Variants in EPHB1 observed in about 807,000 individuals in gnomAD.
EPHB1 encodes the protein EPH receptor B1, also known as ephrin type-B receptor 1.
A neutral mutation model predicts 94.4 loss-of-function variants in EPHB1; 30 were observed. That is an observed-to-expected ratio of 0.32 (90% CI 0.24 to 0.43). EPHB1 has a LOEUF of 0.43. Ranked by LOEUF, EPHB1 falls within the 20% of genes least tolerant of loss-of-function variation. The probability of loss-of-function intolerance (pLI) is 1.00; values close to 1 mark genes in which losing one functional copy is unlikely to be tolerated. For missense variants in EPHB1, 1,055 were observed against 1,308.3 expected, an observed-to-expected ratio of 0.81 and a Z score of 2.99; for synonymous variants, 522 against 489.1, an observed-to-expected ratio of 1.07 and a Z score of -0.89.
chr3:135,088,924 G>A lies in EPHB1; in HGVS notation c.806-17524G>A, dbSNP rs184872625. On this transcript the variant is annotated intron_variant, in intron 3 of 15. Transcript: ENST00000398015. ...ACTTTTAATTGAGCAGTTATTTCAT[G>A]CCAGATATTGTATCAAACATTTATA... Among the ~76,000 whole-genome samples, 5 of 152,276 alleles carry A rather than the reference G, an allele frequency of 3.3e-5. No homozygotes were observed. The East Asian group carries it at 9.6e-4, about 29-fold the overall frequency.
intron 11 of EPHB1, among the ~76,000 whole-genome samples, chr3:135,199,705 C>T (rs534179233): frequency 1.3e-5 from 2 of 152,268 alleles, no homozygotes; most frequent in South Asian, 4.1e-4. Flanking sequence ...GGAGCATAAC[C>T]CCCAGAACAT....
In EPHB1 at chr3:135,259,358, A is replaced by G. The variant is rs778190567; in HGVS notation, c.*238A>G. 10 of 342,570 alleles carry G rather than the reference A, an allele frequency of 2.9e-5. No individual in the cohort carries two copies. Among genetic ancestry groups the G allele is most frequent in the Non-Finnish European group, 4.8e-5 (9 of 187,060 alleles). 21.2% of individuals were successfully genotyped at this position (342,570 alleles called of 1,614,324 possible). A position where few individuals can be genotyped will look rare whatever the true frequency, so the allele number is the denominator to read the frequency against. ...ATAATAATAAAAATATAAAAAGGTGATGTTCAACAGAAGTGAAGACAAAAC... is the reference window on the plus strand; with the variant it reads ...ATAATAATAAAAATATAAAAAGGTGGTGTTCAACAGAAGTGAAGACAAAAC... On this transcript the variant is annotated 3_prime_UTR_variant, in exon 16 of 16. Coordinates refer to ENST00000398015, the MANE Select transcript of EPHB1 (RefSeq NM_004441.5).
At chr3:134,964,785 CTT>C (rs888336751) in intron 3 of EPHB1, among the ~76,000 whole-genome samples, 18 of 152,168 alleles carry the variant, frequency 1.2e-4, no homozygotes, top group African/African-American at 4.1e-4. Flanking sequence ...ATTCCGTTCT[CTT>C]GTCTGTCTTC....
chr3:134,925,861 C>T lies in EPHB1; in HGVS notation c.104C>T (p.Thr35Met), dbSNP rs536029159. 3.1e-5 allele frequency: 49 copies of T among 1,605,080 alleles called. No homozygotes were observed. Among genetic ancestry groups the T allele is most frequent in the Admixed American group, 6.8e-5 (4 of 59,108 alleles). The stretch of plus-strand genomic sequence containing the variant: ...ACGGCTACTGCAGAGCTGGGCTGGA[C>T]GGCCAATCCTGCGTCCGGGGTGAGT... ...TRTATAELGW[T>M]ANPASGWEEV... is the part of the protein sequence containing the mutation. The change falls in exon 2 of 16, where the codon ACG becomes ATG. Residue 35 changes from threonine to methionine, a missense_variant. By Grantham distance (81) the Thr-to-Met change is moderately conservative. Coordinates refer to ENST00000398015, the MANE Select transcript of EPHB1 (RefSeq NM_004441.5).
At chr3:134,932,243 A>G (rs1345669179) in intron 2 of EPHB1, among the ~76,000 whole-genome samples, 1 of 152,140 alleles carries the variant, frequency 6.6e-6, no homozygotes, top group East Asian at 1.9e-4. Context: ...CTACATGCCC[A>G]TGAGTGCCGG....
chr3:135,194,458 A>G (rs1336916882), intron 11 of EPHB1, among the ~76,000 whole-genome samples: 1 of 152,264 alleles, frequency 6.6e-6, no homozygotes. Context: ...GGAATTTGCC[A>G]GACAAGCGAG....
intron 1 of EPHB1, among the ~76,000 whole-genome samples, chr3:134,899,736 A>G (rs981773087): frequency 6.6e-6 from 1 of 152,164 alleles, no homozygotes; most frequent in African/African-American, 2.4e-5. Context: ...CTGCAATGGC[A>G]TGATCATAGC....
At chr3:135,237,277 T>TACACACACACACACAC in intron 12 of EPHB1, among the ~76,000 whole-genome samples, 1 of 147,358 alleles carries the variant, frequency 6.8e-6, no homozygotes. Flanking sequence ...CACCAAATTC[T>TACACACACACACACAC]ACACACACAC....
Position 134,861,984 on chromosome 3 carries a change from C to T in EPHB1, c.59-63832C>T, listed in dbSNP as rs759251428. 2.0e-5 allele frequency among the ~76,000 whole-genome samples: 3 copies of T among 152,144 alleles called. No individual in the cohort carries two copies. The East Asian group carries it at 5.8e-4, about 29-fold the overall frequency. Reference sequence around the variant, plus strand: ...TTCATTTTGGAGGGGTGAAGAGGAGCCCTGAAACACATGAACTTAGCAGCC... The same window carrying T: ...TTCATTTTGGAGGGGTGAAGAGGAGTCCTGAAACACATGAACTTAGCAGCC... On this transcript the variant is annotated intron_variant, in intron 1 of 15. Transcript: ENST00000398015.
At chr3:135,010,610 C>A (rs1177524153) in intron 3 of EPHB1, among the ~76,000 whole-genome samples, 1 of 139,020 alleles carries the variant, frequency 7.2e-6, no homozygotes, top group Non-Finnish European at 1.5e-5. Context: ...GTTGCCCAGG[C>A]TGCAGTGCAA....
intron 3 of EPHB1, among the ~76,000 whole-genome samples, chr3:135,086,829 G>A (rs1938379151): frequency 6.6e-6 from 1 of 152,030 alleles, no homozygotes; most frequent in Non-Finnish European, 1.5e-5. Flanking sequence ...ACTCTTCTCT[G>A]TAAAGTCAGA....
chr3:134,854,097 T>A (rs1213280602), intron 1 of EPHB1, among the ~76,000 whole-genome samples: 1 of 151,982 alleles, frequency 6.6e-6, no homozygotes, highest in Non-Finnish European at 1.5e-5. Flanking sequence ...AGCCCTGAGG[T>A]GATATTGGGC....
intron 3 of EPHB1, among the ~76,000 whole-genome samples, chr3:135,041,899 CAGAG>C (rs1297911802): frequency 2.0e-5 from 3 of 147,620 alleles, no homozygotes; most frequent in African/African-American, 5.1e-5. Context: ...GAGAGAGAGA[CAGAG>C]AGCACACAAA....
intron 12 of EPHB1, among the ~76,000 whole-genome samples, chr3:135,234,854 C>G (rs1369492621): frequency 1.3e-5 from 2 of 152,202 alleles, no homozygotes; most frequent in Non-Finnish European, 2.9e-5. Flanking sequence ...TTACCTCCCA[C>G]TGGGTCCTTC....
chr3:134,986,400 C>G (rs1934596542), intron 3 of EPHB1, among the ~76,000 whole-genome samples: 1 of 152,172 alleles, frequency 6.6e-6, no homozygotes, highest in Non-Finnish European at 1.5e-5. Flanking sequence ...CCATTCCTCA[C>G]AAATGAGCAT....
chr3:135,092,322 GT>G lies in EPHB1; in HGVS notation c.806-14124del, dbSNP rs527890069. Among the ~76,000 whole-genome samples the G allele has an allele frequency of 8.5e-5, 13 of 152,240 alleles. No homozygotes were observed. The South Asian group carries it at 2.7e-3, about 32-fold the overall frequency. On this transcript the variant is annotated intron_variant, in intron 3 of 15. Coordinates refer to ENST00000398015, the MANE Select transcript of EPHB1 (RefSeq NM_004441.5). ...CCAAAGTGATGGGACCCTCCCTTCT[GT>G]TGGGTGCCAGGGGCCCCGTGAAGCA...
At chr3:135,199,027 T>C (rs1454457882) in intron 11 of EPHB1, among the ~76,000 whole-genome samples, 2 of 152,156 alleles carry the variant, frequency 1.3e-5, no homozygotes, top group Non-Finnish European at 2.9e-5. Context: ...AATCAGATAA[T>C]AAAGAAGTTC....
At chr3:135,045,165 G>A (rs1222979167) in intron 3 of EPHB1, among the ~76,000 whole-genome samples, 1 of 152,160 alleles carries the variant, frequency 6.6e-6, no homozygotes, top group African/African-American at 2.4e-5. Context: ...TGGTGTGAAA[G>A]CATTGATGGG....
chr3:135,056,192 CA>C (rs1290641299), intron 3 of EPHB1, among the ~76,000 whole-genome samples: 1 of 152,232 alleles, frequency 6.6e-6, no homozygotes, highest in Admixed American at 6.5e-5. Context: ...TTTCTGCCTG[CA>C]AAGCCCCCAT....
Sources: gnomAD v4.1 joint callset for allele counts (sites outside exome capture counted in the v4.1 genomes callset) on GRCh38, gnomAD v4.1.1 for gene constraint, MANE v1.5 for transcripts, NCBI Gene and HGNC (gene_info 2026-07-23, HGNC 2026-07-21) for gene names.